Variants in CUBN observed in about 807,000 individuals in gnomAD.
The protein encoded by CUBN is 460 kDa receptor.
Under a neutral mutation model 405.3 loss-of-function variants are expected in CUBN, and 282 were observed. The ratio of observed to expected loss-of-function variants is 0.70; its 90% confidence interval spans 0.63 to 0.77. CUBN has a LOEUF of 0.77. Among genes scored for constraint, CUBN ranks in the 30% least tolerant of loss-of-function variants. CUBN has a pLI of 0.00. For synonymous variants in CUBN, 1,684 were observed against 1,617.0 expected, an observed-to-expected ratio of 1.04 and a Z score of -0.99; for missense variants, 4,514 against 4,475.2, an observed-to-expected ratio of 1.01 and a Z score of -0.25.
chr10:16,870,658 G>A (rs1246018552), intron 58 of CUBN, among the ~76,000 whole-genome samples: 1 of 152,226 alleles, frequency 6.6e-6, no homozygotes, highest in Admixed American at 6.5e-5. Flanking sequence ...TAAAAACGAA[G>A]CTTCCATCAG....
intron 62 of CUBN, among the ~76,000 whole-genome samples, chr10:16,838,823 T>A (rs1839254974): frequency 6.6e-6 from 1 of 152,164 alleles, no homozygotes; most frequent in African/African-American, 2.4e-5. Flanking sequence ...TTTTTGTATT[T>A]TCAGTAGAGG....
chr10:17,046,234 C>G lies in CUBN; in HGVS notation c.3330-140G>C, dbSNP rs959903283. On this transcript the variant is annotated intron_variant, in intron 23 of 66. Coordinates refer to ENST00000377833, the MANE Select transcript of CUBN (RefSeq NM_001081.4). ...ATTTCTCTCAAACACTACACTTACTCTAAAAAACACGATTTTCACTTTTAA... is the reference window on the plus strand; with the variant it reads ...ATTTCTCTCAAACACTACACTTACTGTAAAAAACACGATTTTCACTTTTAA... The G allele has an allele frequency of 1.6e-5, 11 of 700,994 alleles. No homozygotes were observed. In the African/African-American group the frequency reaches 1.8e-4, roughly 11 times the overall value. 43.4% of individuals were successfully genotyped at this position (700,994 alleles called of 1,614,324 possible). A position where few individuals can be genotyped will look rare whatever the true frequency, so the allele number is the denominator to read the frequency against.
rs530968656 is a variant in CUBN at position 16,925,279 on chromosome 10, C to T, written c.6608G>A (p.Gly2203Glu). 2 of 1,613,582 alleles carry T rather than the reference C, an allele frequency of 1.2e-6. No individual in the cohort carries two copies. Among genetic ancestry groups the T allele is most frequent in the East Asian group, 2.2e-5 (1 of 44,850 alleles). ...VQFISDHSNE[G>E]QGFKIKYEAK... ...CTCATATTTGATTTTAAATCCTTGC[C>T]CTTCATTACTGTGATCAGAAATAAA... The change falls in exon 43 of 67, where the codon GGG becomes GAG. Residue 2203 changes from glycine (G) to glutamate (E), a missense_variant. Coordinates refer to ENST00000377833, the MANE Select transcript of CUBN (RefSeq NM_001081.4).
At chr10:17,074,718 A>G (rs1835815176) in intron 17 of CUBN, among the ~76,000 whole-genome samples, 1 of 152,214 alleles carries the variant, frequency 6.6e-6, no homozygotes, top group African/African-American at 2.4e-5. Flanking sequence ...CAGACAATCA[A>G]CTGCTTTATT....
At chr10:17,123,409 GGT>G in intron 5 of CUBN, 177 bp downstream of exon 5, 1 of 651,116 alleles carries the variant, frequency 1.5e-6, no homozygotes, top group South Asian at 1.8e-5. Context: ...GTATTTGGTG[GGT>G]TATACAATCA....
At chr10:17,005,675 A>G (rs962310173) in intron 28 of CUBN, among the ~76,000 whole-genome samples, 2 of 152,112 alleles carry the variant, frequency 1.3e-5, no homozygotes, top group Non-Finnish European at 2.9e-5. Context: ...CTGTGTTCCC[A>G]TGGCGTCCTG....
rs139219414 is a variant in CUBN at position 16,883,446 on chromosome 10, C to T, written c.8905+4971G>A. The stretch of plus-strand genomic sequence containing the variant: ...CTTTTTTCTAAAGTAATGTGGAATG[C>T]GACCACATTCTGAGTTCTTTAGAAA... On this transcript the variant is annotated intron_variant, in intron 56 of 66. Transcript: ENST00000377833. Among the ~76,000 whole-genome samples, 10 of 152,166 alleles carry T rather than the reference C, an allele frequency of 6.6e-5. No homozygotes were observed. The East Asian group carries it at 1.4e-3, about 21-fold the overall frequency.
intron 22 of CUBN, among the ~76,000 whole-genome samples, chr10:17,061,594 A>C (rs1461752451): frequency 6.6e-6 from 1 of 152,140 alleles, no homozygotes; most frequent in Non-Finnish European, 1.5e-5. Flanking sequence ...TCATTCCAGG[A>C]TCACTGATAA....
chr10:16,974,552 TA>T (rs1833036437), intron 31 of CUBN, among the ~76,000 whole-genome samples: 2 of 152,196 alleles, frequency 1.3e-5, no homozygotes, highest in Non-Finnish European at 2.9e-5. Context: ...TTTATATTTT[TA>T]GTAGAGACGG....
chr10:17,096,433 C>T (rs1315109714), intron 14 of CUBN, among the ~76,000 whole-genome samples: 1 of 151,872 alleles, frequency 6.6e-6, no homozygotes, highest in Non-Finnish European at 1.5e-5. Flanking sequence ...GTCAGTTAAG[C>T]TCCAATAAAG....
At chr10:17,059,711 C>T (rs915284428) in intron 22 of CUBN, among the ~76,000 whole-genome samples, 4 of 152,192 alleles carry the variant, frequency 2.6e-5, no homozygotes, top group African/African-American at 4.8e-5. Context: ...AAAGAAGAAG[C>T]CTTCTCAATC....
intron 65 of CUBN, among the ~76,000 whole-genome samples, chr10:16,829,928 GT>G (rs140936674): frequency 6.9e-6 from 1 of 145,256 alleles, no homozygotes; most frequent in African/African-American, 2.6e-5. Flanking sequence ...TTCATGGTGG[GT>G]TTTTTTTGTT....
intron 31 of CUBN, among the ~76,000 whole-genome samples, chr10:16,967,657 G>C (rs1306878199): frequency 6.6e-6 from 1 of 152,008 alleles, no homozygotes; most frequent in Non-Finnish European, 1.5e-5. Context: ...GGGCGTAAAG[G>C]AGGGAGGGAA....
chr10:17,028,469 C>G (rs1051565323), intron 27 of CUBN, among the ~76,000 whole-genome samples: 13 of 151,578 alleles, frequency 8.6e-5, no homozygotes, highest in African/African-American at 3.1e-4. Context: ...GCCTGTAATC[C>G]CAGCACTTTG....
At chr10:16,937,827 T>G (rs781246869) in intron 38 of CUBN, 43 bp from the exon 39 acceptor site, 3 of 1,558,050 alleles carry the variant, frequency 1.9e-6, no homozygotes, top group Non-Finnish European at 2.6e-6. Flanking sequence ...TTATCTATAT[T>G]TTTCTTCATA....
intron 14 of CUBN, among the ~76,000 whole-genome samples, chr10:17,097,094 T>A (rs1836392355): frequency 6.6e-6 from 1 of 151,962 alleles, no homozygotes; most frequent in African/African-American, 2.4e-5. Context: ...AAGAAAATGA[T>A]AAAACCATGA....
At chr10:17,037,347 C>A (rs1834923490) in intron 27 of CUBN, among the ~76,000 whole-genome samples, 1 of 152,104 alleles carries the variant, frequency 6.6e-6, no homozygotes. Flanking sequence ...TGTTGGGATT[C>A]TCAGACAAAA....
At chr10:17,054,957 T>C (rs1232991212) in intron 22 of CUBN, among the ~76,000 whole-genome samples, 1 of 152,078 alleles carries the variant, frequency 6.6e-6, no homozygotes, top group African/African-American at 2.4e-5. Context: ...CCAATATTAC[T>C]CCTATACCAA....
At position 16,907,612 on chromosome 10, in the gene CUBN, T is replaced by C. The variant is rs929319412; in HGVS notation, c.7601A>G (p.Asn2534Ser). The C allele has an allele frequency of 1.2e-6, 2 of 1,613,070 alleles. No individual in the cohort carries two copies. The highest frequency in any genetic ancestry group is 2.7e-5 in the African/African-American group (2 of 74,898). Residue 2534 changes from asparagine to serine, a missense_variant, in exon 49 of 67, where the codon AAT becomes AGT. By Grantham distance (46) the Asn-to-Ser change is conservative (BLOSUM62 1). Around this residue, in one of 5 missense-constraint regions of CUBN, gnomAD observed 1,613 missense variants for 1,542.8 expected, o/e 1.05. Coordinates refer to ENST00000377833, the MANE Select transcript of CUBN (RefSeq NM_001081.4). The part of the protein sequence containing the change: ...EKLCSSVNVS[N>S]EIKSSGNTMK... The stretch of plus-strand genomic sequence containing the variant: ...TGTGTTTCCTGAAGATTTAATCTCA[T>C]TGCTTACATTCACACTACTACACAG...
Sources: allele counts gnomAD v4.1 joint callset (sites outside exome capture counted in the v4.1 genomes callset), GRCh38; gene constraint gnomAD v4.1.1; regional missense constraint gnomAD v4.1.1; transcripts MANE v1.5; gene names NCBI Gene and HGNC (gene_info 2026-07-23, HGNC 2026-07-21).